Variants in NBAS observed in about 807,000 individuals in gnomAD.
NBAS encodes the protein NAG/BC035112 fusion.
Under a neutral mutation model 302.5 loss-of-function variants are expected in NBAS, and 219 were observed. The observed-to-expected ratio is 0.72, with a 90% CI of 0.65 to 0.81. The LOEUF is 0.81. Among genes scored for constraint, NBAS ranks in the 30% least tolerant of loss-of-function variants. The pLI, the probability that NBAS is intolerant of heterozygous loss-of-function variation, is 0.00. For synonymous variants in NBAS, 1,118 were observed against 1,021.6 expected, an observed-to-expected ratio of 1.09 and a Z score of -1.80; for missense variants, 2,932 against 2,841.6, an observed-to-expected ratio of 1.03 and a Z score of -0.72.
intron 21 of NBAS, among the ~76,000 whole-genome samples, chr2:15,442,011 TC>T (rs900288884): frequency 7.2e-6 from 1 of 139,850 alleles, no homozygotes; most frequent in Non-Finnish European, 1.6e-5. Flanking sequence ...ATAAAGCAAG[TC>T]CTGAGTGACC....
chr2:14,903,464 A>G, the NBAS span, among the ~76,000 whole-genome samples: 1 of 152,202 alleles, frequency 6.6e-6, no homozygotes, highest in African/African-American at 2.4e-5. Flanking sequence ...CCAGGTGACA[A>G]AGTGGACCTG....
the NBAS span, among the ~76,000 whole-genome samples, chr2:15,029,227 A>T: frequency 6.6e-6 from 1 of 152,248 alleles, no homozygotes. Flanking sequence ...ACTCTCTAAA[A>T]AATAGAAGGT....
At chr2:15,316,296 A>C (rs968859164) in intron 38 of NBAS, among the ~76,000 whole-genome samples, 1 of 152,230 alleles carries the variant, frequency 6.6e-6, no homozygotes, top group Admixed American at 6.5e-5. Flanking sequence ...TGCAGCTCGC[A>C]GCGTGATCGA....
chr2:15,396,673 T>A (rs1202298403), intron 26 of NBAS, among the ~76,000 whole-genome samples, 198 bp from the exon 27 acceptor site: 1 of 152,216 alleles, frequency 6.6e-6, no homozygotes, highest in Non-Finnish European at 1.5e-5. Context: ...ATATTCTCTG[T>A]TACAGATTAG....
At chr2:15,286,098 C>T (rs1670031721) in intron 42 of NBAS, among the ~76,000 whole-genome samples, 1 of 152,206 alleles carries the variant, frequency 6.6e-6, no homozygotes, top group African/African-American at 2.4e-5. Flanking sequence ...CTTTTACTCA[C>T]CCTCATATCT....
chr2:14,961,883 A>C, the NBAS span, among the ~76,000 whole-genome samples: 1 of 152,046 alleles, frequency 6.6e-6, no homozygotes, highest in African/African-American at 2.4e-5. Flanking sequence ...GGTTCAAGTT[A>C]TTCTCCTGCC....
intron 35 of NBAS, among the ~76,000 whole-genome samples, chr2:15,331,277 T>C (rs543327668): frequency 2.0e-5 from 3 of 152,254 alleles, no homozygotes; most frequent in East Asian, 3.9e-4. Flanking sequence ...GTTTGATGGG[T>C]TTATAATGTG....
In NBAS at chr2:15,308,328, T is replaced by A; in HGVS notation, c.4685A>T (p.Glu1562Val). The A allele has an allele frequency of 6.2e-7, 1 of 1,614,158 alleles. No individual in the cohort carries two copies. The highest frequency in any genetic ancestry group is 8.5e-7 in the Non-Finnish European group (1 of 1,180,016). The change falls in exon 40 of 52, where the codon GAA (glutamate) becomes GTA (valine). Residue 1562 changes from glutamate to valine, a missense_variant. Coordinates refer to ENST00000281513, the MANE Select transcript of NBAS (RefSeq NM_015909.4). ...PQVLDANRCF[E>V]KQSPSALSLQ... ...AGATAATGCAGAGGGGGACTGCTTTTCAAAGCACCGGTTAGCATCTAACAC... is the reference window on the plus strand; with the variant it reads ...AGATAATGCAGAGGGGGACTGCTTTACAAAGCACCGGTTAGCATCTAACAC...
the NBAS span, among the ~76,000 whole-genome samples, chr2:14,937,582 T>C: frequency 0.041 from 6,286 of 152,226 alleles, 182 homozygotes; most frequent in Middle Eastern, 0.1. Context: ...GGCTAAAGCA[T>C]TGGGAAACAT....
intron 28 of NBAS, among the ~76,000 whole-genome samples, chr2:15,385,664 C>T (rs1675255831): frequency 6.6e-6 from 1 of 152,116 alleles, no homozygotes; most frequent in African/African-American, 2.4e-5. Flanking sequence ...GTAAAACTTG[C>T]ATTTGTGAAG....
intron 47 of NBAS, among the ~76,000 whole-genome samples, chr2:15,223,059 T>C (rs1667017524): frequency 6.6e-6 from 1 of 152,232 alleles, no homozygotes; most frequent in East Asian, 1.9e-4. Flanking sequence ...TGTGCTTCAC[T>C]ATTACTGGTG....
At chr2:15,367,685 A>T (rs1045896763) in intron 31 of NBAS, among the ~76,000 whole-genome samples, 1 of 152,148 alleles carries the variant, frequency 6.6e-6, no homozygotes, top group African/African-American at 2.4e-5. Flanking sequence ...TGTTCTCCAT[A>T]TATCTTGTGT....
At chr2:15,192,234 ATTTT>A (rs56108047) in intron 48 of NBAS, among the ~76,000 whole-genome samples, 3 of 138,660 alleles carry the variant, frequency 2.2e-5, no homozygotes, top group Admixed American at 7.3e-5. Context: ...AGAAGAGGCT[ATTTT>A]TTTTTTTTTT....
In NBAS at chr2:15,449,308, T is replaced by C. The variant is rs192169709; in HGVS notation, c.2339+11893A>G. Among the ~76,000 whole-genome samples, 5 of 152,300 alleles carry C rather than the reference T, an allele frequency of 3.3e-5. No individual in the cohort carries two copies. The East Asian group carries it at 9.6e-4, about 29-fold the overall frequency. On this transcript the variant is annotated intron_variant, in intron 21 of 51. Coordinates refer to ENST00000281513, the MANE Select transcript of NBAS (RefSeq NM_015909.4). ...TCACAATCTTGCCCTAAAAGCAAAA[T>C]AATCCCTTTCTGCTTATCTCATGAA... is the stretch of plus-strand genomic sequence containing the variant.
At chr2:15,159,451 AC>A in the NBAS span, among the ~76,000 whole-genome samples, 2 of 92,438 alleles carry the variant, frequency 2.2e-5, no homozygotes, top group African/African-American at 1.4e-4. Context: ...AAAAGGAGGG[AC>A]CAGCACGTTA....
the NBAS span, among the ~76,000 whole-genome samples, chr2:14,793,108 T>A: frequency 6.6e-6 from 1 of 151,690 alleles, no homozygotes; most frequent in Non-Finnish European, 1.5e-5. Context: ...CTGCTATGTA[T>A]GAACAAAGTA....
chr2:15,010,592 C>T, the NBAS span, among the ~76,000 whole-genome samples: 2 of 152,296 alleles, frequency 1.3e-5, no homozygotes, highest in East Asian at 1.9e-4. Context: ...CCTTTGAGCA[C>T]TCATTTCACA....
At chr2:15,215,437 T>C (rs778406303) in intron 48 of NBAS, among the ~76,000 whole-genome samples, 1 of 152,354 alleles carries the variant, frequency 6.6e-6, no homozygotes, top group East Asian at 1.9e-4. Context: ...CTCTCTCTGA[T>C]GTATGCAAAG....
intron 26 of NBAS, chr2:15,397,539 T>A (rs1675925411): frequency 1.6e-6 from 1 of 608,594 alleles, no homozygotes; most frequent in African/African-American, 1.9e-5. Flanking sequence ...CTGACTATTT[T>A]GCTGTGAATT....
Sources: gnomAD v4.1 joint callset for allele counts (sites outside exome capture counted in the v4.1 genomes callset) on GRCh38, gnomAD v4.1.1 for gene constraint, MANE v1.5 for transcripts, NCBI Gene and HGNC (gene_info 2026-07-23, HGNC 2026-07-21) for gene names.